The following CAPN13 variants were observed in gnomAD, a reference collection of about 807,000 sequenced individuals.
The protein encoded by CAPN13 is calpain 13.
In CAPN13, 90 loss-of-function variants were observed where a neutral mutation model predicts 98.4. That is an observed-to-expected ratio of 0.92 (90% CI 0.77 to 1.09). The LOEUF (loss-of-function observed/expected upper bound fraction) is 1.09, where lower values mean the gene tolerates loss of function less well. Ranked by LOEUF, CAPN13 falls within the 50% of genes least tolerant of loss-of-function variation. The probability of loss-of-function intolerance (pLI) is 0.00; values close to 1 mark genes in which losing one functional copy is unlikely to be tolerated. For missense variants in CAPN13, 887 were observed against 841.3 expected (o/e 1.05, Z -0.67); for synonymous variants, 330 against 305.5 (o/e 1.08, Z -0.84).
intron 4 of CAPN13, 52 bp from the exon 5 acceptor site, chr2:30,770,501 C>G: frequency 6.3e-7 from 1 of 1,592,826 alleles, no homozygotes. Context: ...GAAGGGAGCT[C>G]CTGGGTCCCC....
chr2:30,732,371 G>A (rs1444923768), intron 20 of CAPN13, 67 bp downstream of exon 20: 11 of 1,596,618 alleles, frequency 6.9e-6, no homozygotes, highest in Non-Finnish European at 9.4e-6. Context: ...GGTAGGGGGT[G>A]TCCGGTCCTC....
At chr2:30,738,318 C>T in intron 16 of CAPN13, 25 bp from the exon 17 acceptor site, 1 of 1,613,826 alleles carries the variant, frequency 6.2e-7, no homozygotes, top group East Asian at 2.2e-5. Context: ...ACAGGAAGGA[C>T]TGAAGTGTTG....
intron 7 of CAPN13, among the ~76,000 whole-genome samples, chr2:30,761,292 C>G (rs993029097): frequency 6.6e-6 from 1 of 152,168 alleles, no homozygotes; most frequent in Non-Finnish European, 1.5e-5. Context: ...GGGAGGTGCT[C>G]TGTTTAGACC....
chr2:30,732,561 G>A lies in CAPN13; in HGVS notation c.1804C>T (p.Leu602Phe), dbSNP rs1213993752. The A allele has an allele frequency of 6.2e-7, 1 of 1,607,492 alleles. No homozygotes were observed. The highest frequency in any genetic ancestry group is 8.5e-7 in the Non-Finnish European group (1 of 1,177,726). Reference sequence around the variant, plus strand: ...TCACGGCTGATGAAGATCCCTCTGAGGAAGTCTGGGGCCACAGGTGAACGA... The same window carrying A: ...TCACGGCTGATGAAGATCCCTCTGAAGAAGTCTGGGGCCACAGGTGAACGA... ...LWKAIENTDFLRGIFISRELL... is the reference protein window; with the variant it reads ...LWKAIENTDFFRGIFISRELL... The change falls in exon 20 of 23, where the codon CTC becomes TTC. Residue 602 changes from leucine (L) to phenylalanine (F), a missense_variant. Physicochemically the swap from Leu to Phe is conservative, Grantham distance 22 (BLOSUM62 0). Coordinates refer to ENST00000295055, the MANE Select transcript of CAPN13 (RefSeq NM_144575.3).
chr2:30,777,742 T>C (rs1673776698), intron 2 of CAPN13, 103 bp from the exon 3 acceptor site: 2 of 957,766 alleles, frequency 2.1e-6, no homozygotes, highest in African/African-American at 1.6e-5. Flanking sequence ...AATTCTTAAA[T>C]AGGTGCTTAA....
chr2:30,782,998 C>T (rs1023259729), intron 2 of CAPN13, among the ~76,000 whole-genome samples: 1 of 152,160 alleles, frequency 6.6e-6, no homozygotes, highest in Non-Finnish European at 1.5e-5. Flanking sequence ...CTGTATTGAA[C>T]AGTGCGAGAA....
chr2:30,799,917 CA>C (rs963542375), intron 1 of CAPN13, among the ~76,000 whole-genome samples: 76 of 151,762 alleles, frequency 5.0e-4, no homozygotes, highest in Middle Eastern at 3.4e-3. Context: ...ACTAAAAATA[CA>C]AAAAAATTAG....
intron 2 of CAPN13, among the ~76,000 whole-genome samples, chr2:30,781,291 C>T (rs1673971747): frequency 6.6e-6 from 1 of 152,202 alleles, no homozygotes; most frequent in Non-Finnish European, 1.5e-5. Context: ...ATCTTCTCAA[C>T]TTTATGTTTT....
chr2:30,800,150 AAG>A (rs1478373792), intron 1 of CAPN13, among the ~76,000 whole-genome samples: 2 of 148,728 alleles, frequency 1.3e-5, no homozygotes, highest in East Asian at 2.1e-4. Flanking sequence ...GAAAGAAAGA[AAG>A]AAAGAAAGAA....
chr2:30,791,803 G>T (rs149749231), intron 1 of CAPN13, among the ~76,000 whole-genome samples: 9 of 152,190 alleles, frequency 5.9e-5, no homozygotes, highest in Non-Finnish European at 1.3e-4. Context: ...TATGGAAGGA[G>T]ATTTAAACCA....
chr2:30,724,569 G>C (rs1463439357), intron 22 of CAPN13, among the ~76,000 whole-genome samples: 4 of 152,148 alleles, frequency 2.6e-5, no homozygotes, highest in African/African-American at 9.7e-5. Flanking sequence ...TGCCCTTGGA[G>C]TGTACATGTC....
intron 11 of CAPN13, among the ~76,000 whole-genome samples, chr2:30,748,254 GC>G (rs1453366426): frequency 6.6e-6 from 1 of 152,188 alleles, no homozygotes; most frequent in East Asian, 1.9e-4. Flanking sequence ...CTCTCCTTCT[GC>G]CTTTAGCCTT....
intron 11 of CAPN13, among the ~76,000 whole-genome samples, chr2:30,750,617 T>C (rs538699960): frequency 6.6e-6 from 1 of 152,292 alleles, no homozygotes; most frequent in East Asian, 1.9e-4. Flanking sequence ...GGATTTATAC[T>C]CAGAATAGTT....
chr2:30,759,866 G>C (rs116419224), intron 7 of CAPN13, among the ~76,000 whole-genome samples: 1,998 of 152,262 alleles, frequency 0.013, 38 homozygotes, highest in African/African-American at 0.046. Context: ...CTCAGCAGTG[G>C]GGCATTGCTG....
chr2:30,742,058 GAGAA>G, intron 14 of CAPN13, 94 bp from the exon 15 acceptor site: 1 of 1,195,820 alleles, frequency 8.4e-7, no homozygotes, highest in Non-Finnish European at 1.2e-6. Flanking sequence ...GCCAAGATCT[GAGAA>G]AGAGTCTTTA....
chr2:30,739,369 G>A (rs1304756775), intron 15 of CAPN13, among the ~76,000 whole-genome samples: 1 of 152,038 alleles, frequency 6.6e-6, no homozygotes, highest in Non-Finnish European at 1.5e-5. Flanking sequence ...TTCTGAGAAT[G>A]AGCACCTTCC....
intron 2 of CAPN13, among the ~76,000 whole-genome samples, chr2:30,786,151 C>T (rs1405710971): frequency 6.6e-6 from 1 of 152,180 alleles, no homozygotes; most frequent in Non-Finnish European, 1.5e-5. Context: ...TTAGTAGTCA[C>T]CAATAGAAAA....
chr2:30,791,781 A>G (rs375473237), intron 1 of CAPN13, among the ~76,000 whole-genome samples: 18 of 152,256 alleles, frequency 1.2e-4, no homozygotes, highest in African/African-American at 4.3e-4. Flanking sequence ...TGAAAAATTA[A>G]ATAAGAAAAT....
intron 2 of CAPN13, among the ~76,000 whole-genome samples, chr2:30,779,546 G>A (rs116476205): frequency 2.3e-3 from 354 of 152,210 alleles, no homozygotes; most frequent in African/African-American, 8.0e-3. Context: ...AATACTTAGC[G>A]CAGTGTCTGA....
Sources: allele counts gnomAD v4.1 joint callset (sites outside exome capture counted in the v4.1 genomes callset), GRCh38; gene constraint gnomAD v4.1.1; transcripts MANE v1.5; gene names NCBI Gene and HGNC (gene_info 2026-07-23, HGNC 2026-07-21).